Variants in SLC12A9 observed in about 807,000 individuals in gnomAD.
SLC12A9 encodes solute carrier family 12 member 9, also known as CCC-interacting protein 1.
SLC12A9 carries 55 observed loss-of-function variants against 66.0 expected under a neutral mutation model. The ratio of observed to expected loss-of-function variants is 0.83; its 90% CI spans 0.67 to 1.04. The LOEUF (loss-of-function observed/expected upper bound fraction) is 1.04, where lower values mean the gene tolerates loss of function less well. Ranked by LOEUF, SLC12A9 falls within the 50% of genes least tolerant of loss-of-function variation. SLC12A9 has a pLI of 0.00. For synonymous variants in SLC12A9, 577 were observed against 569.0 expected (o/e 1.01, Z -0.20); for missense variants, 1,061 against 1,241.9 (o/e 0.85, Z 2.19).
intron 1 of SLC12A9, among the ~76,000 whole-genome samples, chr7:100,829,004 T>C (rs1407590937): frequency 6.6e-6 from 1 of 151,882 alleles, no homozygotes; most frequent in Non-Finnish European, 1.5e-5. Flanking sequence ...TTTTTTTTTT[T>C]TGAGACAGAG....
chr7:100,851,666 T>TGG (rs1441030138), upstream of SLC12A9, among the ~76,000 whole-genome samples: 1 of 149,170 alleles, frequency 6.7e-6, no homozygotes, highest in African/African-American at 2.5e-5. Flanking sequence ...GGTGTGTGCC[T>TGG]GTGTAGTTCC....
chr7:100,865,407 C>G (rs540331015), intron 13 of SLC12A9: 3 of 1,536,078 alleles, frequency 2.0e-6, no homozygotes, highest in Admixed American at 3.9e-5. Flanking sequence ...CGCTAGAAGC[C>G]GGGAGTGGAC....
In SLC12A9 at chr7:100,866,658, G is replaced by C; in HGVS notation, c.*53G>C. 1 of 1,432,096 alleles carries C rather than the reference G, an allele frequency of 7.0e-7. No individual in the cohort carries two copies. Among genetic ancestry groups the C allele is most frequent in the South Asian group, 1.5e-5 (1 of 68,074 alleles). 88.7% of individuals were successfully genotyped at this position (1,432,096 alleles called of 1,614,324 possible). A position where few individuals can be genotyped will look rare whatever the true frequency, so the allele number is the denominator to read the frequency against. On this transcript the variant is annotated 3_prime_UTR_variant, in exon 14 of 14. Coordinates refer to ENST00000354161, the MANE Select transcript of SLC12A9 (RefSeq NM_020246.4). This position sits in a 1 kb window ranked among gnomAD's most constrained non-coding sequence, Gnocchi z 7.3. The stretch of plus-strand genomic sequence containing the variant: ...AGGGCCCAGGCAGGCGGCCTATCCT[G>C]ATCCTTGGAGGAGGAGGAAGAGGAG...
At chr7:100,838,271 G>A (rs976539974) in intron 1 of SLC12A9, among the ~76,000 whole-genome samples, 3 of 152,188 alleles carry the variant, frequency 2.0e-5, no homozygotes, top group Admixed American at 6.5e-5. Context: ...AAAGCATTGG[G>A]AGTATAGCAC....
chr7:100,842,169 C>G (rs145342685), intron 1 of SLC12A9, among the ~76,000 whole-genome samples: 11 of 151,936 alleles, frequency 7.2e-5, no homozygotes, highest in African/African-American at 1.9e-4. Context: ...AGTGCCACCC[C>G]CTCCAGAGTT....
chr7:100,834,163 A>G (rs1813597500), intron 1 of SLC12A9, among the ~76,000 whole-genome samples: 1 of 152,032 alleles, frequency 6.6e-6, no homozygotes, highest in Admixed American at 6.6e-5. Context: ...CTTTCTGCAG[A>G]AGGTGATGAT....
chr7:100,848,873 T>G (rs758104890), upstream of SLC12A9, among the ~76,000 whole-genome samples: 11 of 150,026 alleles, frequency 7.3e-5, no homozygotes, highest in Admixed American at 5.3e-4. Context: ...GTGACAGAGC[T>G]AGACTCCATC....
At chr7:100,856,563 G>A in intron 4 of SLC12A9, 1 of 301,976 alleles carries the variant, frequency 3.3e-6, no homozygotes, top group Non-Finnish European at 6.2e-6. Flanking sequence ...CACCAAGGCT[G>A]GAGTGCAGTG....
Position 100,859,181 on chromosome 7 carries a change from G to C in SLC12A9, c.977+20G>C. The C allele has an allele frequency of 6.2e-7, 1 of 1,608,202 alleles. No homozygotes were observed. Among genetic ancestry groups the C allele is most frequent in the Non-Finnish European group, 8.5e-7 (1 of 1,175,202 alleles). On this transcript the variant is annotated intron_variant, in intron 7 of 13. Coordinates refer to ENST00000354161, the MANE Select transcript of SLC12A9 (RefSeq NM_020246.4). ...TGACAGGTGTCTGGGGAGGGATGGGGGTGGAGTGTCGAACAAGATTGGTGC... is the reference window on the plus strand; with the variant it reads ...TGACAGGTGTCTGGGGAGGGATGGGCGTGGAGTGTCGAACAAGATTGGTGC...
chr7:100,846,873 C>T (rs1431171224), intron 1 of SLC12A9, among the ~76,000 whole-genome samples: 1 of 152,168 alleles, frequency 6.6e-6, no homozygotes, highest in Non-Finnish European at 1.5e-5. Context: ...CGACCCCTGA[C>T]CTAATCGGTT....
In SLC12A9 at chr7:100,862,698, C is replaced by T. The variant is rs1562995679; in HGVS notation, c.1729C>T (p.Pro577Ser). 1.2e-6 allele frequency: 2 copies of T among 1,614,170 alleles called. No homozygotes were observed. Among genetic ancestry groups the T allele is most frequent in the Non-Finnish European group, 8.5e-7 (1 of 1,180,028 alleles). ...CTCTGTAGACTCCCTGCCCTCGGAC[C>T]CTGTACAGCCGCAGTATGGGGCATG... ...LGDLDSLPSD[P>S]VQPQYGAWLS... The change falls in exon 13 of 14, where the codon CCT (proline) becomes TCT (serine). Residue 577 changes from proline (P) to serine (S), a missense_variant. By Grantham distance (74) the Pro-to-Ser change is moderately conservative. Transcript: ENST00000354161.
Position 100,859,843 on chromosome 7 carries a change from G to A in SLC12A9, c.978-42G>A, listed in dbSNP as rs753042503. The stretch of plus-strand genomic sequence containing the variant: ...TCGGGGCTGGAGATTTTCTTACCCC[G>A]TGACGCATGATCATCCGTGTCCTCC... On this transcript the variant is annotated intron_variant, in intron 7 of 13. Transcript: ENST00000354161. The A allele has an allele frequency of 2.4e-5, 38 of 1,569,002 alleles. No individual in the cohort carries two copies. The Admixed American group carries it at 4.6e-4, about 19-fold the overall frequency.
intron 1 of SLC12A9, among the ~76,000 whole-genome samples, chr7:100,836,028 A>G (rs1813651300): frequency 6.6e-6 from 1 of 152,128 alleles, no homozygotes. Flanking sequence ...TTGTCCCAGC[A>G]GGGGGAAGTC....
chr7:100,835,385 C>T (rs1813632183), intron 1 of SLC12A9, among the ~76,000 whole-genome samples: 1 of 150,510 alleles, frequency 6.6e-6, no homozygotes, highest in Non-Finnish European at 1.5e-5. Context: ...GGCGCGGTCG[C>T]TCATGCCTGT....
chr7:100,866,249 G>C lies in SLC12A9; in HGVS notation c.2389G>C (p.Glu797Gln). The change falls in exon 14 of 14, where the codon GAG (glutamate) becomes CAG (glutamine). Residue 797 changes from glutamate to glutamine, a missense_variant. Coordinates refer to ENST00000354161, the MANE Select transcript of SLC12A9 (RefSeq NM_020246.4). The surrounding 1 kb of genome is among the most constrained non-coding windows in gnomAD (Gnocchi z 7.3). ...ALLSQLRIRA[E>Q]VQEVVWGEGA... ...GCTGAGCCAACTGAGGATCCGGGCTGAGGTGCAGGAGGTGGTGTGGGGCGA... is the reference window on the plus strand; with the variant it reads ...GCTGAGCCAACTGAGGATCCGGGCTCAGGTGCAGGAGGTGGTGTGGGGCGA... 6.3e-7 allele frequency: 1 copy of C among 1,588,718 alleles called. No individual in the cohort carries two copies. Among genetic ancestry groups the C allele is most frequent in the Non-Finnish European group, 8.6e-7 (1 of 1,167,486 alleles).
At position 100,844,675 on chromosome 7, in the gene SLC12A9, TA is replaced by T. The variant is rs541228558; in HGVS notation, n.229-15207del. On this transcript the variant is annotated intron_variant and non_coding_transcript_variant, in intron 1 of 1. Coordinates refer to the SLC12A9 transcript ENST00000461016. ...AAGGAAAAAATGGCCCTTCCTGTAC[TA>T]AAGGACAATGTAACCCTTTAGAGCT... is the stretch of plus-strand genomic sequence containing the variant. Among the ~76,000 whole-genome samples the T allele has an allele frequency of 6.1e-4, 93 of 152,310 alleles. No individual in the cohort carries two copies. In the Middle Eastern group the frequency reaches 0.01, roughly 17 times the overall value.
chr7:100,865,881 G>T lies in SLC12A9; in HGVS notation c.2021G>T (p.Ser674Ile), dbSNP rs756159689. ...TLFPPPRAPG[S>I]PRALNPQDYV... ...TTCCCTCCTCCCCGGGCTCCTGGGA[G>T]CCCCCGGGCCCTCAATCCCCAGGAC... Residue 674 changes from serine to isoleucine, a missense_variant, in exon 14 of 14, where the codon AGC becomes ATC. By Grantham distance (142) the Ser-to-Ile change is moderately radical (BLOSUM62 -2). Coordinates refer to ENST00000354161, the MANE Select transcript of SLC12A9 (RefSeq NM_020246.4). 2 of 1,613,384 alleles carry T rather than the reference G, an allele frequency of 1.2e-6. No individual in the cohort carries two copies. The highest frequency in any genetic ancestry group is 4.5e-5 in the East Asian group (2 of 44,880).
chr7:100,866,276 G>A lies in SLC12A9; in HGVS notation c.2416G>A (p.Gly806Arg), dbSNP rs770354862. The change falls in exon 14 of 14, where the codon GGG becomes AGG. Residue 806 changes from glycine to arginine, a missense_variant. By Grantham distance (125) the Gly-to-Arg change is moderately radical. Transcript: ENST00000354161. The surrounding 1 kb of genome is among the most constrained non-coding windows in gnomAD (Gnocchi z 7.3). ...AEVQEVVWGE[G>R]AGAGEPEAEE... ...GGTGCAGGAGGTGGTGTGGGGCGAG[G>A]GGGCCGGGGCTGGGGAACCCGAGGC... is the stretch of plus-strand genomic sequence containing the variant. 1.3e-6 allele frequency: 2 copies of A among 1,543,926 alleles called. No homozygotes were observed. The highest frequency in any genetic ancestry group is 2.7e-5 in the African/African-American group (2 of 73,230).
chr7:100,859,712 T>TA (rs771740061), intron 7 of SLC12A9, 173 bp from the exon 8 acceptor site: 278 of 788,480 alleles, frequency 3.5e-4, no homozygotes, highest in Admixed American at 1.1e-3. Flanking sequence ...CCTTGTCTCT[T>TA]AAAAAAAAGG....
Sources: allele counts gnomAD v4.1 joint callset (sites outside exome capture counted in the v4.1 genomes callset), GRCh38; gene constraint gnomAD v4.1.1; non-coding constraint Gnocchi (gnomAD v3.1); transcripts MANE v1.5; gene names NCBI Gene and HGNC (gene_info 2026-07-23, HGNC 2026-07-21).